BTBD9: variants seen among roughly 807,000 people sequenced by gnomAD.
The protein encoded by BTBD9 is BTB/POZ domain-containing protein 9.
Under a neutral mutation model 64.3 loss-of-function variants are expected in BTBD9, and 49 were observed. The ratio of observed to expected loss-of-function variants is 0.76; its 90% CI spans 0.61 to 0.97. The LOEUF is 0.97. Ranked by LOEUF, BTBD9 falls within the 50% of genes least tolerant of loss-of-function variation. The pLI is 0.00. For missense variants in BTBD9, 598 were observed against 762.1 expected, an observed-to-expected ratio of 0.78 and a Z score of 2.53; for synonymous variants, 260 against 274.7, an observed-to-expected ratio of 0.95 and a Z score of 0.53.
intron 6 of BTBD9, among the ~76,000 whole-genome samples, chr6:38,546,981 A>G (rs2127443711): frequency 6.6e-6 from 1 of 152,238 alleles, no homozygotes; most frequent in African/African-American, 2.4e-5. Flanking sequence ...GTGATCTGTT[A>G]TCAGTGTTCT....
At chr6:38,492,086 C>A (rs912712376) in intron 6 of BTBD9, among the ~76,000 whole-genome samples, 2 of 152,132 alleles carry the variant, frequency 1.3e-5, no homozygotes, top group Non-Finnish European at 2.9e-5. Flanking sequence ...CCGGGTCCCA[C>A]TTTAGAGATG....
At chr6:38,537,198 T>C (rs751768333) in intron 6 of BTBD9, among the ~76,000 whole-genome samples, 14 of 152,180 alleles carry the variant, frequency 9.2e-5, no homozygotes, top group Non-Finnish European at 1.8e-4. Flanking sequence ...TAGAGAATTA[T>C]ACAGGAATTA....
At chr6:38,193,706 C>A in intron 9 of BTBD9, 1 of 575,462 alleles carries the variant, frequency 1.7e-6, no homozygotes, top group South Asian at 7.7e-5. Flanking sequence ...TTGCTGCCAT[C>A]CCTCCTCCGC....
intron 9 of BTBD9, among the ~76,000 whole-genome samples, chr6:38,227,285 C>T (rs116269195): frequency 6.6e-5 from 10 of 152,130 alleles, no homozygotes; most frequent in East Asian, 1.9e-4. Flanking sequence ...TCCTGGCTGT[C>T]GGCATTAGTG....
At chr6:38,306,509 G>A (rs1267790196) in intron 7 of BTBD9, among the ~76,000 whole-genome samples, 1 of 152,238 alleles carries the variant, frequency 6.6e-6, no homozygotes, top group Non-Finnish European at 1.5e-5. Flanking sequence ...TGTTAACAAA[G>A]TGTATACATT....
At chr6:38,231,899 T>C (rs1166624847) in intron 9 of BTBD9, among the ~76,000 whole-genome samples, 1 of 152,172 alleles carries the variant, frequency 6.6e-6, no homozygotes, top group Non-Finnish European at 1.5e-5. Context: ...TAATCCCTGA[T>C]CCAGCCACAT....
chr6:38,551,410 C>G (rs919169390), intron 6 of BTBD9, among the ~76,000 whole-genome samples: 1 of 152,164 alleles, frequency 6.6e-6, no homozygotes, highest in African/African-American at 2.4e-5. Context: ...AGGGTTTCAG[C>G]AGGAAATGAG....
intron 9 of BTBD9, among the ~76,000 whole-genome samples, chr6:38,225,618 A>C (rs1227438232): frequency 6.6e-6 from 1 of 152,206 alleles, no homozygotes; most frequent in East Asian, 1.9e-4. Context: ...CTAATGGAAA[A>C]ACTTAAGTTA....
chr6:38,205,790 A>T (rs1245310170), intron 9 of BTBD9, among the ~76,000 whole-genome samples: 1 of 149,436 alleles, frequency 6.7e-6, no homozygotes, highest in East Asian at 2.0e-4. Context: ...AGGCTGAGGC[A>T]TGAGAATTGC....
At chr6:38,601,622 G>T (rs1777241871) in intron 1 of BTBD9, among the ~76,000 whole-genome samples, 1 of 152,098 alleles carries the variant, frequency 6.6e-6, no homozygotes, top group Non-Finnish European at 1.5e-5. Flanking sequence ...GGAGTTAAAG[G>T]CTGCAGTAAG....
At chr6:38,374,281 A>AGT (rs58073365) in intron 6 of BTBD9, among the ~76,000 whole-genome samples, 27 of 91,442 alleles carry the variant, frequency 3.0e-4, no homozygotes, top group East Asian at 1.2e-3. Context: ...AAAAAAAAAA[A>AGT]AGTATATATA....
chr6:38,449,843 G>C (rs573671431), intron 6 of BTBD9, among the ~76,000 whole-genome samples: 2 of 152,274 alleles, frequency 1.3e-5, no homozygotes, highest in East Asian at 3.9e-4. Context: ...AAAACAGAGG[G>C]GGAAAGCTCC....
intron 6 of BTBD9, among the ~76,000 whole-genome samples, chr6:38,499,893 A>G (rs1328820454): frequency 6.6e-6 from 1 of 152,240 alleles, no homozygotes; most frequent in Non-Finnish European, 1.5e-5. Flanking sequence ...AGAGCGCTGA[A>G]TAAGTTTTCC....
At chr6:38,283,230 A>T (rs1761589956) in intron 8 of BTBD9, among the ~76,000 whole-genome samples, 1 of 152,194 alleles carries the variant, frequency 6.6e-6, no homozygotes, top group Non-Finnish European at 1.5e-5. Context: ...CTACCCAACT[A>T]CGGAGTAAAC....
chr6:38,435,659 TTC>T (rs1236282635), intron 6 of BTBD9, among the ~76,000 whole-genome samples: 6 of 68,816 alleles, frequency 8.7e-5, no homozygotes, highest in Admixed American at 2.0e-4. Flanking sequence ...CTTCCTTCCT[TTC>T]TCTCTCTCTC....
At chr6:38,475,522 A>C (rs1040933199) in intron 6 of BTBD9, among the ~76,000 whole-genome samples, 2 of 152,140 alleles carry the variant, frequency 1.3e-5, no homozygotes, top group Non-Finnish European at 2.9e-5. Context: ...GCAAAGCACT[A>C]ATCTGACACA....
At chr6:38,424,790 T>C (rs1029213665) in intron 6 of BTBD9, among the ~76,000 whole-genome samples, 1 of 151,918 alleles carries the variant, frequency 6.6e-6, no homozygotes, top group Non-Finnish European at 1.5e-5. Context: ...GGCCTGGGAT[T>C]ACAGGCATGT....
At chr6:38,197,078 G>T (rs188646182) in intron 9 of BTBD9, among the ~76,000 whole-genome samples, 75 of 152,316 alleles carry the variant, frequency 4.9e-4, no homozygotes, top group Admixed American at 1.8e-3. Flanking sequence ...TAGGCGGTCT[G>T]TTAATAAGGA....
At chr6:38,355,946 T>C (rs1764710410) in intron 6 of BTBD9, among the ~76,000 whole-genome samples, 1 of 152,204 alleles carries the variant, frequency 6.6e-6, no homozygotes, top group Non-Finnish European at 1.5e-5. Flanking sequence ...TCGTATATGA[T>C]TGGTTGTTTG....
Sources: gnomAD v4.1 joint callset for allele counts (sites outside exome capture counted in the v4.1 genomes callset) on GRCh38, gnomAD v4.1.1 for gene constraint, MANE v1.5 for transcripts, NCBI Gene and HGNC (gene_info 2026-07-23, HGNC 2026-07-21) for gene names.